The following CNTN5 variants were observed in gnomAD, a reference collection of about 807,000 sequenced individuals.
CNTN5 encodes the protein contactin 5.
Under a neutral mutation model 129.1 loss-of-function variants are expected in CNTN5, and 77 were observed. The ratio of observed to expected loss-of-function variants is 0.60; its 90% CI spans 0.50 to 0.72. CNTN5 has a LOEUF of 0.72. CNTN5 is among the 30% of genes least tolerant of loss of function. The pLI, the probability that CNTN5 is intolerant of heterozygous loss-of-function variation, is 0.00. For synonymous variants in CNTN5, 509 were observed against 465.6 expected (o/e 1.09, Z -1.20); for missense variants, 1,478 against 1,328.8 (o/e 1.11, Z -1.75).
rs1591195331 is a variant in CNTN5, at chr11:100,079,284, C to T, written c.1580+4990C>T. Among the ~76,000 whole-genome samples the T allele has an allele frequency of 2.0e-5, 3 of 152,146 alleles. No individual in the cohort carries two copies. The East Asian group carries it at 5.8e-4, about 29-fold the overall frequency. On this transcript the variant is annotated intron_variant, in intron 13 of 24. Transcript: ENST00000524871. ...GGCATCCATTTCTGTTATCAGTAGT[C>T]TGGAAATGCTTACCATTCTCCTTTC...
chr11:99,379,958 G>A (rs139187785), intron 2 of CNTN5, among the ~76,000 whole-genome samples: 2,050 of 151,976 alleles, frequency 0.013, 26 homozygotes, highest in Middle Eastern at 0.027. Context: ...TGCCATATAT[G>A]AGGTTCATAT....
intron 21 of CNTN5, among the ~76,000 whole-genome samples, chr11:100,320,716 TTTGCA>T (rs1402885720): frequency 2.6e-5 from 4 of 152,184 alleles, no homozygotes; most frequent in African/African-American, 9.6e-5. Flanking sequence ...TTTCATACAG[TTTGCA>T]TTGATTTTTT....
At chr11:99,778,155 T>C (rs911702545) in intron 3 of CNTN5, among the ~76,000 whole-genome samples, 2 of 151,874 alleles carry the variant, frequency 1.3e-5, no homozygotes, top group Non-Finnish European at 2.9e-5. Context: ...AAACAATCTC[T>C]TTCATAAAAC....
intron 14 of CNTN5, 33 bp from the exon 15 acceptor site, chr11:100,193,455 A>T (rs201679477): frequency 3.8e-6 from 5 of 1,320,700 alleles, no homozygotes; most frequent in Admixed American, 2.7e-5. Context: ...CAACAGGTTG[A>T]TTATCTTAAT....
intron 1 of CNTN5, among the ~76,000 whole-genome samples, chr11:99,109,384 T>TC (rs1485522982): frequency 6.6e-6 from 1 of 152,108 alleles, no homozygotes; most frequent in Non-Finnish European, 1.5e-5. Context: ...GTACATTTTT[T>TC]CATATGGTGC....
chr11:100,331,216 C>T lies in CNTN5; in HGVS notation c.2731-9247C>T, dbSNP rs746948679. ...TCAGACAAAACAAACTTTAAAGCAACAGCAGTTTAAAAAGACAAAGAGGGA... is the reference window on the plus strand; with the variant it reads ...TCAGACAAAACAAACTTTAAAGCAATAGCAGTTTAAAAAGACAAAGAGGGA... On this transcript the variant is annotated intron_variant, in intron 21 of 24. Coordinates refer to ENST00000524871, the MANE Select transcript of CNTN5 (RefSeq NM_014361.4). 7.2e-4 allele frequency among the ~76,000 whole-genome samples: 110 copies of T among 152,062 alleles called. 1 individual carries two copies. The highest frequency in any genetic ancestry group is 3.4e-3 in the Middle Eastern group (1 of 294).
chr11:99,984,990 A>G (rs7112375), intron 8 of CNTN5, among the ~76,000 whole-genome samples: 23,118 of 152,174 alleles, frequency 0.15, 1,837 homozygotes, highest in Non-Finnish European at 0.16. Context: ...AGCGAGCTCC[A>G]TTTACTATCC....
At chr11:99,243,758 G>T in intron 1 of CNTN5, among the ~76,000 whole-genome samples, 1 of 135,200 alleles carries the variant, frequency 7.4e-6, no homozygotes, top group Admixed American at 7.8e-5. Context: ...TTTTTTTGGA[G>T]ATCAGTTTGC....
chr11:99,710,460 T>C (rs1211202663), intron 3 of CNTN5, among the ~76,000 whole-genome samples: 1 of 151,876 alleles, frequency 6.6e-6, no homozygotes, highest in Non-Finnish European at 1.5e-5. Context: ...TTGTTGCATC[T>C]GAATCTGTTG....
chr11:99,508,277 G>A (rs1371994236), intron 2 of CNTN5, among the ~76,000 whole-genome samples: 1 of 152,136 alleles, frequency 6.6e-6, no homozygotes, highest in African/African-American at 2.4e-5. Flanking sequence ...CTAGGTTCAT[G>A]ACTGGCACAT....
At chr11:99,350,756 T>C (rs892649531) in intron 2 of CNTN5, among the ~76,000 whole-genome samples, 11 of 152,044 alleles carry the variant, frequency 7.2e-5, no homozygotes, top group Middle Eastern at 3.4e-3. Flanking sequence ...CAGAAAAATG[T>C]CATGTATGAT....
At chr11:99,089,891 C>G (rs1866169036) in intron 1 of CNTN5, among the ~76,000 whole-genome samples, 1 of 152,082 alleles carries the variant, frequency 6.6e-6, no homozygotes, top group Non-Finnish European at 1.5e-5. Flanking sequence ...TTTATAGGTG[C>G]AGGTCTATGA....
At chr11:100,282,731 C>G (rs1020380152) in intron 18 of CNTN5, among the ~76,000 whole-genome samples, 1 of 149,108 alleles carries the variant, frequency 6.7e-6, no homozygotes, top group Admixed American at 6.7e-5. Flanking sequence ...CCAGGGACTA[C>G]AGTCAAAATC....
intron 13 of CNTN5, among the ~76,000 whole-genome samples, chr11:100,102,959 C>G (rs755427155): frequency 6.6e-6 from 1 of 152,100 alleles, no homozygotes; most frequent in Non-Finnish European, 1.5e-5. Flanking sequence ...TATGAGAATT[C>G]CTCCTACAAC....
At chr11:100,007,006 A>G (rs1021309931) in intron 9 of CNTN5, among the ~76,000 whole-genome samples, 2 of 152,112 alleles carry the variant, frequency 1.3e-5, no homozygotes, top group Non-Finnish European at 2.9e-5. Context: ...ACTCTTGGGT[A>G]ATGAGATGCA....
intron 9 of CNTN5, among the ~76,000 whole-genome samples, chr11:100,039,738 C>T (rs1369475862): frequency 1.3e-5 from 2 of 152,146 alleles, no homozygotes; most frequent in East Asian, 3.9e-4. Context: ...ATCACTGATA[C>T]CCTTTCTTCC....
intron 6 of CNTN5, among the ~76,000 whole-genome samples, chr11:99,867,449 G>T (rs1201062983): frequency 1.3e-5 from 2 of 152,174 alleles, no homozygotes; most frequent in Admixed American, 6.5e-5. Flanking sequence ...TCCAATACGG[G>T]TCTTGCAGAG....
intron 9 of CNTN5, among the ~76,000 whole-genome samples, chr11:100,020,232 C>T (rs1176226303): frequency 6.6e-6 from 1 of 151,908 alleles, no homozygotes; most frequent in Non-Finnish European, 1.5e-5. Context: ...AAGCTTTTTC[C>T]TCTGTTTTCT....
In CNTN5 at chr11:100,255,934, G is replaced by A. The variant is rs1224334174; in HGVS notation, c.2164+16G>A. On this transcript the variant is annotated intron_variant, in intron 17 of 24. Transcript: ENST00000524871. ...GTAAAGACAGGTAAGAGGCACTAAA[G>A]CAACATCAGATATAACCAGAGTGGC... The A allele has an allele frequency of 6.2e-7, 1 of 1,612,930 alleles. No homozygotes were observed. Among genetic ancestry groups the A allele is most frequent in the Admixed American group, 1.7e-5 (1 of 59,996 alleles).
Sources: gnomAD v4.1 joint callset for allele counts (sites outside exome capture counted in the v4.1 genomes callset) on GRCh38, gnomAD v4.1.1 for gene constraint, MANE v1.5 for transcripts, NCBI Gene and HGNC (gene_info 2026-07-23, HGNC 2026-07-21) for gene names.